RMST: variants seen among roughly 807,000 people sequenced by gnomAD.
RMST encodes long intergenic non-protein coding RNA 54.
intron 11 of RMST, among the ~76,000 whole-genome samples, chr12:97,557,610 A>T (rs549936524): frequency 6.6e-6 from 1 of 152,222 alleles, no homozygotes; most frequent in South Asian, 2.1e-4. Flanking sequence ...CAGAACCTGG[A>T]GGTAAAACAA....
At chr12:97,521,941 G>A (rs1200284702) in intron 10 of RMST, among the ~76,000 whole-genome samples, 1 of 152,086 alleles carries the variant, frequency 6.6e-6, no homozygotes, top group Non-Finnish European at 1.5e-5. Context: ...GATTTTGTTT[G>A]TTTTAGTTTC....
At chr12:97,471,829 T>G (rs1389355156) in intron 5 of RMST, among the ~76,000 whole-genome samples, 1 of 152,160 alleles carries the variant, frequency 6.6e-6, no homozygotes, top group African/African-American at 2.4e-5. Context: ...CTCAATGCAG[T>G]CGCCATCAGT....
rs572600283 is a variant in RMST, at chr12:97,492,158, G to C, written n.645-303G>C. On this transcript the variant is annotated intron_variant and non_coding_transcript_variant, in intron 5 of 13. Coordinates refer to ENST00000640149, the Ensembl canonical transcript of RMST. ...TTTATAATGAACTTGAAAGGCAGTAGCACTCACTGTTGCAAAAGCTAATCA... is the reference window on the plus strand; with the variant it reads ...TTTATAATGAACTTGAAAGGCAGTACCACTCACTGTTGCAAAAGCTAATCA... Among the ~76,000 whole-genome samples, 35 of 152,328 alleles carry C rather than the reference G, an allele frequency of 2.3e-4. No individual in the cohort carries two copies. In the South Asian group the frequency reaches 7.3e-3, roughly 32 times the overall value.
Position 97,479,133 on chromosome 12 carries a change from C to CTTTTTTTTT in RMST, n.645-13312_645-13304dup, listed in dbSNP as rs386377507. Among the ~76,000 whole-genome samples, 57 of 69,044 alleles carry CTTTTTTTTT rather than the reference C, an allele frequency of 8.3e-4. 3 individuals carry two copies. Among genetic ancestry groups the CTTTTTTTTT allele is most frequent in the African/African-American group, 1.7e-3 (27 of 16,112 alleles). 45.3% of individuals were successfully genotyped at this position (69,044 alleles called of 152,430 possible). On this transcript the variant is annotated intron_variant and non_coding_transcript_variant, in intron 5 of 13. Coordinates refer to ENST00000640149, the Ensembl canonical transcript of RMST. Reference sequence around the variant, plus strand: ...TACTTTGGGTGTTTCCTTGTCTTTGCTTTTTTTTTTTTTTTTTTTTTTTTG... The same window carrying CTTTTTTTTT: ...TACTTTGGGTGTTTCCTTGTCTTTGCTTTTTTTTTTTTTTTTTTTTTTTTTTTTTTTTTG...
chr12:97,493,839 T>G (rs1877123458), intron 7 of RMST: 1 of 152,232 alleles, frequency 6.6e-6, no homozygotes. Context: ...TAAAAAACTA[T>G]ACATAACATA....
At chr12:97,477,881 T>C (rs1874746727) in intron 5 of RMST, among the ~76,000 whole-genome samples, 1 of 152,242 alleles carries the variant, frequency 6.6e-6, no homozygotes, top group African/African-American at 2.4e-5. Context: ...GGTCATTTTA[T>C]TCAGCATTGT....
At chr12:97,506,079 AATGATACATT>A (rs1428678966) in intron 10 of RMST, among the ~76,000 whole-genome samples, 1 of 152,254 alleles carries the variant, frequency 6.6e-6, no homozygotes, top group Non-Finnish European at 1.5e-5. Flanking sequence ...AAGTACATGT[AATGATACATT>A]ACACTTTTAA....
chr12:97,475,682 C>T (rs1784129521), intron 5 of RMST, among the ~76,000 whole-genome samples: 2 of 149,790 alleles, frequency 1.3e-5, no homozygotes, highest in African/African-American at 4.9e-5. Context: ...GGTTACTATA[C>T]AGAGGTTTAG....
chr12:97,506,605 GTGTCACCTAAAAAAGATGACAT>G (rs1010965536), intron 10 of RMST, among the ~76,000 whole-genome samples: 3 of 150,250 alleles, frequency 2.0e-5, no homozygotes, highest in Non-Finnish European at 2.9e-5. Flanking sequence ...ACTGGGAAAT[GTGTCACCTAAAAAAGATGACAT>G]TTAAGCTGAT....
chr12:97,542,982 T>C (rs1882663591), intron 11 of RMST, among the ~76,000 whole-genome samples: 1 of 152,012 alleles, frequency 6.6e-6, no homozygotes, highest in Admixed American at 6.6e-5. Flanking sequence ...ACACCTCGTA[T>C]GTGTTTGGGT....
At chr12:97,542,293 A>G (rs1436968192) in intron 11 of RMST, among the ~76,000 whole-genome samples, 3 of 151,860 alleles carry the variant, frequency 2.0e-5, no homozygotes, top group Non-Finnish European at 4.4e-5. Context: ...TATTATCATT[A>G]TTATGCTTCT....
At chr12:97,481,329 C>T (rs1311013430) in intron 5 of RMST, among the ~76,000 whole-genome samples, 2 of 152,056 alleles carry the variant, frequency 1.3e-5, no homozygotes, top group Non-Finnish European at 2.9e-5. Flanking sequence ...GTCAAAGTGT[C>T]ACAAGAATGT....
exon 10 of RMST, chr12:97,495,967 G>A (rs558726289): frequency 9.9e-5 from 15 of 152,234 alleles, no homozygotes; most frequent in African/African-American, 3.4e-4. Context: ...ATAAGACTGC[G>A]TGGCTACATT....
Position 97,532,939 on chromosome 12 carries a change from C to T in RMST, n.1545+2080C>T, listed in dbSNP as rs534504714. ...AATTAAAAGCCAGAGCTGAATTATT[C>T]TGCTCAATTTAAATGCAAACATCGA... On this transcript the variant is annotated intron_variant and non_coding_transcript_variant, in intron 11 of 13. Transcript: ENST00000640149. 2.6e-5 allele frequency: 4 copies of T among 151,842 alleles called. No homozygotes were observed. In the East Asian group the frequency reaches 5.8e-4, roughly 22 times the overall value. The allele number at this position is 151,842 out of a possible 1,614,324, so 9.4% of individuals were successfully genotyped here. A position where few individuals can be genotyped will look rare whatever the true frequency, so the allele number is the denominator to read the frequency against.
intron 11 of RMST, among the ~76,000 whole-genome samples, chr12:97,560,026 C>T (rs1342646351): frequency 1.3e-5 from 2 of 152,050 alleles, no homozygotes; most frequent in Non-Finnish European, 2.9e-5. Flanking sequence ...AGAGCCACTT[C>T]GTTGTCTTTA....
At chr12:97,530,809 C>T (rs937023061) in exon 11 of RMST, 2 of 152,018 alleles carry the variant, frequency 1.3e-5, no homozygotes, top group Non-Finnish European at 2.9e-5. Flanking sequence ...CAAGGTGGAA[C>T]GACAGAGCTG....
chr12:97,512,437 A>C (rs965354471), intron 10 of RMST, among the ~76,000 whole-genome samples: 2 of 152,162 alleles, frequency 1.3e-5, no homozygotes, highest in African/African-American at 2.4e-5. Context: ...CCCCACCCAC[A>C]TCCTGCTGAT....
At chr12:97,489,016 C>T (rs1372097714) in intron 5 of RMST, among the ~76,000 whole-genome samples, 1 of 152,148 alleles carries the variant, frequency 6.6e-6, no homozygotes, top group Non-Finnish European at 1.5e-5. Flanking sequence ...TGTTTAATTG[C>T]ACAATTGTTA....
chr12:97,498,953 C>A (rs2136471300), intron 10 of RMST, among the ~76,000 whole-genome samples: 1 of 152,128 alleles, frequency 6.6e-6, no homozygotes. Flanking sequence ...TGTGATCTAC[C>A]CCTGGCCTTC....
Sources: allele counts gnomAD v4.1 joint callset (sites outside exome capture counted in the v4.1 genomes callset), GRCh38; gene constraint gnomAD v4.1.1; transcripts MANE v1.5; gene names NCBI Gene and HGNC (gene_info 2026-07-23, HGNC 2026-07-21).